ZNF225: variants seen among roughly 807,000 people sequenced by gnomAD.
ZNF225 encodes zinc finger protein 225.
ZNF225 carries 6 observed loss-of-function variants against 12.0 expected under a neutral mutation model. The observed-to-expected ratio is 0.50, with a 90% CI of 0.27 to 0.98. The LOEUF is 0.98. Ranked by LOEUF, ZNF225 falls within the 50% of genes least tolerant of loss-of-function variation. ZNF225 has a pLI of 0.11. For missense variants in ZNF225, 763 were observed against 848.2 expected (o/e 0.90, Z 1.25); for synonymous variants, 271 against 283.2 (o/e 0.96, Z 0.43).
At position 44,132,911 on chromosome 19, in the gene ZNF225, G is replaced by A; in HGVS notation, c.*176G>A. ...TGAAAATAATACGTTGTTAATTACTGTCACCCTGTAGTGGTGTAAAACACT... is the reference window on the plus strand; with the variant it reads ...TGAAAATAATACGTTGTTAATTACTATCACCCTGTAGTGGTGTAAAACACT... On this transcript the variant is annotated 3_prime_UTR_variant, in exon 5 of 5. Transcript: ENST00000262894. 1.7e-6 allele frequency: 1 copy of A among 585,334 alleles called. No individual in the cohort carries two copies. The highest frequency in any genetic ancestry group is 2.8e-6 in the Non-Finnish European group (1 of 353,576). The allele number at this position is 585,334 out of a possible 1,614,324, so 36.3% of individuals were successfully genotyped here.
In ZNF225 at chr19:44,134,440, G is replaced by T. The variant is rs888907905; in HGVS notation, c.*1705G>T. ...CCGTGTTTCCTAACACCAGCTAAAG[G>T]CCAGTCTTATAAGCAGTCCTTTCTA... On this transcript the variant is annotated 3_prime_UTR_variant, in exon 5 of 5. Transcript: ENST00000262894. 2 of 152,124 alleles carry T rather than the reference G, an allele frequency of 1.3e-5. No homozygotes were observed. Among genetic ancestry groups the T allele is most frequent in the African/African-American group, 2.4e-5 (1 of 41,420 alleles). 9.4% of individuals were successfully genotyped at this position (152,124 alleles called of 1,614,324 possible). A position where few individuals can be genotyped will look rare whatever the true frequency, so the allele number is the denominator to read the frequency against.
chr19:44,130,562 G>T (rs1433670164), intron 4 of ZNF225: 2 of 260,364 alleles, frequency 7.7e-6, no homozygotes, highest in African/African-American at 4.5e-5. Flanking sequence ...GCTGGGCGTG[G>T]TGGCGGGCGC....
At position 44,134,354 on chromosome 19, in the gene ZNF225, G is replaced by A. The variant is rs1336379170; in HGVS notation, c.*1619G>A. 1.3e-5 allele frequency: 2 copies of A among 152,172 alleles called. No homozygotes were observed. The highest frequency in any genetic ancestry group is 2.9e-5 in the Non-Finnish European group (2 of 68,036). 9.4% of individuals were successfully genotyped at this position (152,172 alleles called of 1,614,324 possible). A position where few individuals can be genotyped will look rare whatever the true frequency, so the allele number is the denominator to read the frequency against. On this transcript the variant is annotated 3_prime_UTR_variant, in exon 5 of 5. Coordinates refer to ENST00000262894, the MANE Select transcript of ZNF225 (RefSeq NM_013362.4). ...TTCTAGACTCCAAGAAGGGGAGCAA[G>A]TGTTCAGAATAACTTGAACCATGCC... is the stretch of plus-strand genomic sequence containing the variant.
At chr19:44,111,991 G>C (rs1427765057), upstream of ZNF225, 1 of 152,308 alleles carries the variant, frequency 6.6e-6, no homozygotes, top group South Asian at 2.1e-4. Context: ...AAGAGAAAGA[G>C]AAACGGGTTC....
intron 4 of ZNF225, chr19:44,128,991 C>A: frequency 8.5e-7 from 1 of 1,170,772 alleles, no homozygotes; most frequent in Non-Finnish European, 1.1e-6. Flanking sequence ...GGTGATCTTA[C>A]CAACTTTCAT....
intron 4 of ZNF225, among the ~76,000 whole-genome samples, chr19:44,125,219 G>A (rs1002169605): frequency 1.3e-5 from 2 of 152,196 alleles, no homozygotes; most frequent in African/African-American, 4.8e-5. Context: ...AGCAGTTCTT[G>A]TAGTGGTGGC....
In ZNF225 at chr19:44,132,432, T is replaced by G. The variant is rs768231596; in HGVS notation, c.1818T>G (p.Thr606=). Residue 606 remains threonine, a synonymous_variant, in exon 5 of 5, where the codon ACT becomes ACG. Coordinates refer to ENST00000262894, the MANE Select transcript of ZNF225 (RefSeq NM_013362.4). ...GTGAAGAGTGTGGGAAGAGATTTAC[T>G]GAGAATTCACAGCTTCATTCCCATC... ...FKCEECGKRF[T]ENSQLHSHQR... The G allele has an allele frequency of 1.2e-6, 2 of 1,614,178 alleles. No individual in the cohort carries two copies. Among genetic ancestry groups the G allele is most frequent in the Admixed American group, 1.7e-5 (1 of 60,024 alleles).
chr19:44,128,985 A>T (rs2147571889), intron 4 of ZNF225: 1 of 1,134,634 alleles, frequency 8.8e-7, no homozygotes, highest in Non-Finnish European at 1.1e-6. Flanking sequence ...ATCCCAGGTG[A>T]TCTTACCAAC....
chr19:44,127,154 G>A (rs959805430), intron 4 of ZNF225, among the ~76,000 whole-genome samples: 4 of 152,218 alleles, frequency 2.6e-5, no homozygotes, highest in Admixed American at 1.3e-4. Context: ...CTTCCTGATG[G>A]ATCCCTGTGA....
chr19:44,131,403 GA>G lies in ZNF225; in HGVS notation c.792del (p.Lys264AsnfsTer64). 1 of 1,614,216 alleles carries G rather than the reference GA, an allele frequency of 6.2e-7. No individual in the cohort carries two copies. The highest frequency in any genetic ancestry group is 8.5e-7 in the Non-Finnish European group (1 of 1,180,040). Reference sequence around the variant, plus strand: ...CAGGAGTGAAACCTCATATTTGTGAGAAATGTGGGAAGGCCTTCATTCATGA... The same window carrying G: ...CAGGAGTGAAACCTCATATTTGTGAGAATGTGGGAAGGCCTTCATTCATGA... ...HTGVKPHICE[K>X]CGKAFIHDSQ... On this transcript the variant is annotated frameshift_variant, in exon 5 of 5. Coordinates refer to ENST00000262894, the MANE Select transcript of ZNF225 (RefSeq NM_013362.4). LOFTEE classifies it low-confidence loss of function (END_TRUNC).
chr19:44,118,157 A>C (rs1214995961), intron 2 of ZNF225, 31 bp from the exon 3 acceptor site: 1 of 1,596,762 alleles, frequency 6.3e-7, no homozygotes, highest in East Asian at 2.2e-5. Flanking sequence ...ATTGGTCATG[A>C]GACTGAGGTT....
chr19:44,118,862 G>C (rs1967996763), intron 4 of ZNF225, among the ~76,000 whole-genome samples: 2 of 151,196 alleles, frequency 1.3e-5, no homozygotes, highest in Admixed American at 6.6e-5. Context: ...TGTCGCCCAG[G>C]CTGGAGTGCA....
At chr19:44,128,702 A>G (rs927216003) in intron 4 of ZNF225, 1 of 227,228 alleles carries the variant, frequency 4.4e-6, no homozygotes, top group Non-Finnish European at 8.5e-6. Context: ...GTAGATGTGT[A>G]TGAGTACCTT....
chr19:44,116,739 G>A (rs74870108), intron 2 of ZNF225, among the ~76,000 whole-genome samples: 2 of 152,100 alleles, frequency 1.3e-5, no homozygotes, highest in Non-Finnish European at 2.9e-5. Context: ...AAATAAGTGA[G>A]ACTGTTAAAT....
chr19:44,130,829 C>A, intron 4 of ZNF225, 21 bp from the exon 5 acceptor site: 1 of 1,583,580 alleles, frequency 6.3e-7, no homozygotes, highest in South Asian at 1.2e-5. Context: ...GCCCACATCT[C>A]TTAATTCTGT....
chr19:44,112,918 C>A (rs1354860791), upstream of ZNF225: 1 of 152,248 alleles, frequency 6.6e-6, no homozygotes, highest in Non-Finnish European at 1.5e-5. Context: ...GTTTAGACTT[C>A]AGAAATTCCT....
upstream of ZNF225, chr19:44,113,232 C>A (rs6509142): frequency 6.6e-6 from 1 of 152,148 alleles, no homozygotes; most frequent in African/African-American, 2.4e-5. Context: ...CTCCGGCAGG[C>A]GAATCAGGGG....
upstream of ZNF225, chr19:44,112,900 T>C (rs1378144295): frequency 1.3e-5 from 2 of 152,250 alleles, no homozygotes; most frequent in East Asian, 3.8e-4. Context: ...CCTGTTATCA[T>C]TGGAGGCGTT....
At chr19:44,112,956 C>A (rs1436145130), upstream of ZNF225, 2 of 152,128 alleles carry the variant, frequency 1.3e-5, no homozygotes, top group East Asian at 3.9e-4. Flanking sequence ...TGTCCTGGAC[C>A]AGGGAGAGAG....
Sources: allele counts gnomAD v4.1 joint callset (sites outside exome capture counted in the v4.1 genomes callset), GRCh38; gene constraint gnomAD v4.1.1; transcripts MANE v1.5; gene names NCBI Gene and HGNC (gene_info 2026-07-23, HGNC 2026-07-21).